The following CDH8 variants were observed in gnomAD, a reference collection of about 807,000 sequenced individuals.
CDH8 encodes cadherin 8.
In CDH8, 17 loss-of-function variants were observed where a neutral mutation model predicts 68.1. The ratio of observed to expected loss-of-function variants is 0.25; its 90% CI spans 0.17 to 0.37. The LOEUF is 0.37. Among genes scored for constraint, CDH8 ranks in the 10% least tolerant of loss-of-function variants. CDH8 has a pLI of 1.00. For synonymous variants in CDH8, 372 were observed against 365.1 expected (o/e 1.02, Z -0.21); for missense variants, 763 against 999.3 (o/e 0.76, Z 3.19).
chr16:61,709,572 AT>A (rs1964590956), intron 10 of CDH8, among the ~76,000 whole-genome samples: 1 of 152,122 alleles, frequency 6.6e-6, no homozygotes. Context: ...AGCTATGTAA[AT>A]GGTTCCCACA....
chr16:61,773,773 G>A (rs1960839879), intron 8 of CDH8, among the ~76,000 whole-genome samples: 1 of 152,196 alleles, frequency 6.6e-6, no homozygotes, highest in Non-Finnish European at 1.5e-5. Flanking sequence ...AAAAGGAGCA[G>A]GCATAACTTA....
At chr16:61,981,910 T>A (rs1215233632) in intron 2 of CDH8, among the ~76,000 whole-genome samples, 1 of 152,146 alleles carries the variant, frequency 6.6e-6, no homozygotes, top group African/African-American at 2.4e-5. Context: ...TTTTTTCTTC[T>A]CCTCCTCTTC....
chr16:61,895,058 T>G (rs1054350519), intron 3 of CDH8, among the ~76,000 whole-genome samples: 9 of 152,166 alleles, frequency 5.9e-5, no homozygotes, highest in Admixed American at 5.2e-4. Flanking sequence ...CTACGTGATG[T>G]ATAGTTCTGA....
chr16:62,032,823 T>A (rs1902359840), intron 1 of CDH8, among the ~76,000 whole-genome samples: 2 of 152,304 alleles, frequency 1.3e-5, no homozygotes, highest in East Asian at 1.9e-4. Flanking sequence ...AGCCGTGAGG[T>A]GTGCCACCTT....
chr16:61,960,411 ATG>A lies in CDH8; in HGVS notation c.253-58940_253-58939del, dbSNP rs1215254936. 5.8e-4 allele frequency among the ~76,000 whole-genome samples: 47 copies of A among 80,660 alleles called. 5 individuals carry two copies. The highest frequency in any genetic ancestry group is 0.014 in the Middle Eastern group (2 of 148). The allele number at this position is 80,660 out of a possible 152,430, so 52.9% of individuals were successfully genotyped here. A position where few individuals can be genotyped will look rare whatever the true frequency, so the allele number is the denominator to read the frequency against. ...TGTATACACATACATATATACATAT[ATG>A]TGTGTGTGTATACACATACATATGT... On this transcript the variant is annotated intron_variant, in intron 2 of 11. Coordinates refer to ENST00000577390, the MANE Select transcript of CDH8 (RefSeq NM_001796.5).
In CDH8 at chr16:61,892,770, G is replaced by C. The variant is rs374672894; in HGVS notation, c.547+8409C>G. Reference sequence around the variant, plus strand: ...AGTGAGACAGTAGATAAATACTTGTGGGGGGAGTAAGGCGATGGATGAGGT... The same window carrying C: ...AGTGAGACAGTAGATAAATACTTGTCGGGGGAGTAAGGCGATGGATGAGGT... On this transcript the variant is annotated intron_variant, in intron 3 of 11. Coordinates refer to ENST00000577390, the MANE Select transcript of CDH8 (RefSeq NM_001796.5). 3.9e-5 allele frequency among the ~76,000 whole-genome samples: 6 copies of C among 152,178 alleles called. No homozygotes were observed. The East Asian group carries it at 9.7e-4, about 25-fold the overall frequency.
chr16:61,744,314 A>G (rs1473163590), intron 8 of CDH8, among the ~76,000 whole-genome samples: 1 of 152,092 alleles, frequency 6.6e-6, no homozygotes, highest in Non-Finnish European at 1.5e-5. Flanking sequence ...GGATTTTTAC[A>G]TCTTGCTGAA....
At chr16:61,799,185 C>T (rs1418150833) in intron 7 of CDH8, among the ~76,000 whole-genome samples, 1 of 152,132 alleles carries the variant, frequency 6.6e-6, no homozygotes, top group African/African-American at 2.4e-5. Context: ...GAGAATCTTT[C>T]CCCTCCCTGA....
At position 61,877,787 on chromosome 16, in the gene CDH8, C is replaced by T. The variant is rs7191480; in HGVS notation, c.548-20549G>A. 3.8e-3 allele frequency among the ~76,000 whole-genome samples: 584 copies of T among 151,846 alleles called. 1 individual carries two copies. The highest frequency in any genetic ancestry group is 5.8e-3 in the Non-Finnish European group (391 of 67,942). The stretch of plus-strand genomic sequence containing the variant: ...AAGAGAAAAAGAGAAAATGAATGCA[C>T]GGGGGAAAAATATTAGAGAATTTTG... On this transcript the variant is annotated intron_variant, in intron 3 of 11. Coordinates refer to ENST00000577390, the MANE Select transcript of CDH8 (RefSeq NM_001796.5).
intron 8 of CDH8, among the ~76,000 whole-genome samples, chr16:61,734,172 GCAGA>G (rs796602192): frequency 2.0e-5 from 3 of 152,178 alleles, no homozygotes; most frequent in African/African-American, 7.2e-5. Flanking sequence ...ATGAAGAAAA[GCAGA>G]CAGTTTTAGT....
intron 10 of CDH8, among the ~76,000 whole-genome samples, chr16:61,708,340 A>G (rs1172673044): frequency 6.6e-6 from 1 of 152,174 alleles, no homozygotes; most frequent in Non-Finnish European, 1.5e-5. Context: ...GTGGTCAGTA[A>G]TCTCAGAACT....
intron 4 of CDH8, among the ~76,000 whole-genome samples, chr16:61,832,751 A>G (rs1962488346): frequency 6.6e-6 from 1 of 151,760 alleles, no homozygotes; most frequent in Admixed American, 6.6e-5. Flanking sequence ...AAAGGCATAC[A>G]ATATTAAGCA....
At chr16:61,736,112 A>AAAGAAAGAAAGAAAGAAAGAAAGGAAGG (rs776989465) in intron 8 of CDH8, among the ~76,000 whole-genome samples, 34 of 116,512 alleles carry the variant, frequency 2.9e-4, no homozygotes, top group African/African-American at 1.1e-3. Context: ...AGAAAGAAAG[A>AAAGAAAGAAAGAAAGAAAGAAAGGAAGG]AAGGAAGGAA....
At chr16:61,817,332 A>T in intron 7 of CDH8, 147 bp downstream of exon 7, 3 of 726,036 alleles carry the variant, frequency 4.1e-6, no homozygotes. Flanking sequence ...ACACACACAC[A>T]CACACACACA....
intron 4 of CDH8, among the ~76,000 whole-genome samples, chr16:61,832,249 A>T (rs1425283696): frequency 6.6e-6 from 1 of 151,772 alleles, no homozygotes; most frequent in Non-Finnish European, 1.5e-5. Flanking sequence ...AGGCTCAAAG[A>T]AAACAGCACT....
At chr16:61,721,961 T>A (rs1959222011) in intron 9 of CDH8, among the ~76,000 whole-genome samples, 1 of 150,802 alleles carries the variant, frequency 6.6e-6, no homozygotes. Context: ...TTCACTTATG[T>A]AAGCAATCAG....
rs1567545651 is a variant in CDH8, at chr16:61,960,033, C to CATATATGTGTGTGTAT, written c.253-58561_253-58560insATACACACACATATAT. On this transcript the variant is annotated intron_variant, in intron 2 of 11. Transcript: ENST00000577390. ...ATATATATACACACATACACACACA[C>CATATATGTGTGTGTAT]ACACAACATATATGTATGTATGTGT... Among the ~76,000 whole-genome samples, 3 of 115,726 alleles carry CATATATGTGTGTGTAT rather than the reference C, an allele frequency of 2.6e-5. 1 individual carries two copies. Among genetic ancestry groups the CATATATGTGTGTGTAT allele is most frequent in the African/African-American group, 1.0e-4 (3 of 29,006 alleles). The allele number at this position is 115,726 out of a possible 152,430, so 75.9% of individuals were successfully genotyped here.
At chr16:61,847,612 T>A (rs1962837764) in intron 4 of CDH8, among the ~76,000 whole-genome samples, 1 of 149,440 alleles carries the variant, frequency 6.7e-6, no homozygotes, top group Admixed American at 6.7e-5. Context: ...GGGTGGAAAC[T>A]TATGATGTTT....
chr16:61,875,881 G>T (rs943108239), intron 3 of CDH8, among the ~76,000 whole-genome samples: 2 of 151,938 alleles, frequency 1.3e-5, no homozygotes, highest in Non-Finnish European at 2.9e-5. Context: ...TCTTCTCCCT[G>T]CCCCTCCACC....
Sources: gnomAD v4.1 joint callset for allele counts (sites outside exome capture counted in the v4.1 genomes callset) on GRCh38, gnomAD v4.1.1 for gene constraint, MANE v1.5 for transcripts, NCBI Gene and HGNC (gene_info 2026-07-23, HGNC 2026-07-21) for gene names.